Variants in ASIC2 observed in about 807,000 individuals in gnomAD.
The protein encoded by ASIC2 is acid-sensing ion channel 2.
ASIC2 carries 25 observed loss-of-function variants against 57.3 expected under a neutral mutation model. The ratio of observed to expected loss-of-function variants is 0.44; its 90% CI spans 0.32 to 0.61. ASIC2 has a LOEUF of 0.61. Ranked by LOEUF, ASIC2 falls within the 20% of genes least tolerant of loss-of-function variation. The pLI, the probability that ASIC2 is intolerant of heterozygous loss-of-function variation, is 0.06. For synonymous variants in ASIC2, 319 were observed against 307.5 expected, an observed-to-expected ratio of 1.04 and a Z score of -0.39; for missense variants, 641 against 738.1, an observed-to-expected ratio of 0.87 and a Z score of 1.52.
At chr17:33,896,376 T>A (rs1015124563) in intron 1 of ASIC2, among the ~76,000 whole-genome samples, 11 of 152,242 alleles carry the variant, frequency 7.2e-5, no homozygotes, top group Non-Finnish European at 1.6e-4. Flanking sequence ...CTCCATCAGA[T>A]GTTTTTTTGG....
intron 1 of ASIC2, among the ~76,000 whole-genome samples, chr17:33,243,063 A>G (rs1187552198): frequency 6.6e-6 from 1 of 151,998 alleles, no homozygotes; most frequent in Non-Finnish European, 1.5e-5. Flanking sequence ...CATCTTCCAC[A>G]CTCACACACC....
intron 1 of ASIC2, among the ~76,000 whole-genome samples, chr17:33,544,855 A>C (rs189319702): frequency 6.6e-6 from 1 of 151,246 alleles, no homozygotes; most frequent in African/African-American, 2.4e-5. Context: ...TTTTTTTTTG[A>C]CTCCAGTCCT....
intron 1 of ASIC2, among the ~76,000 whole-genome samples, chr17:33,315,994 G>A (rs1597679456): frequency 6.6e-6 from 1 of 152,166 alleles, no homozygotes; most frequent in East Asian, 1.9e-4. Flanking sequence ...CCCTTCTGTG[G>A]TATTGCTGTG....
intron 1 of ASIC2, among the ~76,000 whole-genome samples, chr17:33,555,387 T>C (rs1304105697): frequency 6.7e-6 from 1 of 150,290 alleles, no homozygotes; most frequent in Non-Finnish European, 1.5e-5. Flanking sequence ...TACTATTTGT[T>C]TGGAATATAA....
chr17:33,408,353 G>A (rs1214627604), intron 1 of ASIC2, among the ~76,000 whole-genome samples: 1 of 152,100 alleles, frequency 6.6e-6, no homozygotes, highest in East Asian at 1.9e-4. Flanking sequence ...TTCCATGCTG[G>A]GCTATGGTTG....
At chr17:34,083,131 C>T (rs913475970) in intron 1 of ASIC2, among the ~76,000 whole-genome samples, 6 of 151,092 alleles carry the variant, frequency 4.0e-5, no homozygotes, top group Admixed American at 2.0e-4. Context: ...ACTAACTCGT[C>T]ATCTAGCATT....
At chr17:33,437,129 T>C (rs562901465) in intron 1 of ASIC2, among the ~76,000 whole-genome samples, 10 of 151,888 alleles carry the variant, frequency 6.6e-5, no homozygotes, top group African/African-American at 1.9e-4. Context: ...CCTCCCAAAG[T>C]GCTGGGATTA....
intron 2 of ASIC2, among the ~76,000 whole-genome samples, chr17:33,096,242 C>G (rs1409024197): frequency 6.6e-6 from 1 of 152,204 alleles, no homozygotes; most frequent in African/African-American, 2.4e-5. Context: ...ACAACTGACC[C>G]TCTTAAGGAC....
intron 1 of ASIC2, among the ~76,000 whole-genome samples, chr17:34,017,365 C>T (rs7222177): frequency 0.16 from 25,037 of 152,140 alleles, 6,030 homozygotes; most frequent in African/African-American, 0.53. Context: ...CCTATCTCTT[C>T]CCCTTTCCCC....
intron 1 of ASIC2, among the ~76,000 whole-genome samples, chr17:33,478,948 T>C (rs917899764): frequency 3.3e-5 from 5 of 152,220 alleles, no homozygotes; most frequent in African/African-American, 9.7e-5. Context: ...GATAATACTG[T>C]TAGGAAGTAC....
intron 1 of ASIC2, among the ~76,000 whole-genome samples, chr17:33,235,287 C>A (rs1412110802): frequency 6.6e-6 from 1 of 152,094 alleles, no homozygotes; most frequent in Admixed American, 6.5e-5. Context: ...TTAACAGGGG[C>A]AACCCACACA....
intron 1 of ASIC2, among the ~76,000 whole-genome samples, chr17:33,231,874 G>T (rs772612956): frequency 6.6e-6 from 1 of 152,100 alleles, no homozygotes; most frequent in Non-Finnish European, 1.5e-5. Context: ...CAATGGGGAG[G>T]GGGTGAGCAG....
intron 1 of ASIC2, among the ~76,000 whole-genome samples, chr17:33,343,673 G>A (rs1289015215): frequency 1.3e-5 from 2 of 152,188 alleles, no homozygotes; most frequent in Admixed American, 6.5e-5. Context: ...TTCAGCCTCA[G>A]CCTTATTTTC....
At chr17:33,992,583 A>G (rs1211117398) in intron 1 of ASIC2, among the ~76,000 whole-genome samples, 3 of 152,184 alleles carry the variant, frequency 2.0e-5, no homozygotes, top group Non-Finnish European at 2.9e-5. Context: ...TGTTGGAGCT[A>G]ACTCACATTG....
chr17:33,262,679 C>T (rs12452597), intron 1 of ASIC2, among the ~76,000 whole-genome samples: 30,445 of 152,062 alleles, frequency 0.2, 3,210 homozygotes, highest in Admixed American at 0.25. Flanking sequence ...TGTGGTTAAA[C>T]CTTGTTGAGT....
Position 33,489,808 on chromosome 17 carries a change from G to A in ASIC2, c.556-377741C>T, listed in dbSNP as rs549435407. ...CATTCACTGAGAATTCCCCAGGACT[G>A]TACCATGTCTGGGACATGGGAATTT... On this transcript the variant is annotated intron_variant, in intron 1 of 9. Coordinates refer to the ASIC2 transcript ENST00000359872. Among the ~76,000 whole-genome samples, 19 of 152,308 alleles carry A rather than the reference G, an allele frequency of 1.2e-4. 1 individual carries two copies. Among genetic ancestry groups the A allele is most frequent in the African/African-American group, 4.6e-4 (19 of 41,578 alleles).
At chr17:33,453,398 G>A (rs972784645) in intron 1 of ASIC2, among the ~76,000 whole-genome samples, 3 of 152,054 alleles carry the variant, frequency 2.0e-5, no homozygotes, top group Non-Finnish European at 4.4e-5. Flanking sequence ...CTAAGGGAGG[G>A]TGATGGACTC....
chr17:34,140,932 T>G (rs572139186), intron 1 of ASIC2, among the ~76,000 whole-genome samples: 1 of 152,228 alleles, frequency 6.6e-6, no homozygotes, highest in East Asian at 1.9e-4. Flanking sequence ...AAATGGAATT[T>G]TACATAGTCT....
intron 3 of ASIC2, among the ~76,000 whole-genome samples, chr17:33,045,966 C>T (rs1286300458): frequency 1.3e-5 from 2 of 152,326 alleles, no homozygotes; most frequent in East Asian, 1.9e-4. Flanking sequence ...AGAGCATGCA[C>T]TGCGCAACTG....
Sources: allele counts gnomAD v4.1 joint callset (sites outside exome capture counted in the v4.1 genomes callset), GRCh38; gene constraint gnomAD v4.1.1; transcripts MANE v1.5; gene names NCBI Gene and HGNC (gene_info 2026-07-23, HGNC 2026-07-21).